The following UGT1A9 variants were observed in gnomAD, a reference collection of about 807,000 sequenced individuals.
UGT1A9 encodes the protein UDP glucuronosyltransferase family 1 member A9.
Under a neutral mutation model 45.0 loss-of-function variants are expected in UGT1A9, and 35 were observed. That is an observed-to-expected ratio of 0.78 (90% CI 0.59 to 1.03). UGT1A9 has a LOEUF of 1.03. Among genes scored for constraint, UGT1A9 ranks in the 50% least tolerant of loss-of-function variants. The probability of loss-of-function intolerance (pLI) is 0.00; values close to 1 mark genes in which losing one functional copy is unlikely to be tolerated. For synonymous variants in UGT1A9, 278 were observed against 250.6 expected, an observed-to-expected ratio of 1.11 and a Z score of -1.03; for missense variants, 687 against 666.6, an observed-to-expected ratio of 1.03 and a Z score of -0.34.
intron 1 of UGT1A9, among the ~76,000 whole-genome samples, chr2:233,689,515 G>A (rs1197938802): frequency 6.6e-6 from 1 of 152,250 alleles, no homozygotes; most frequent in East Asian, 1.9e-4. Flanking sequence ...TTACACATTG[G>A]TTTGGTCATG....
chr2:233,724,358 C>T (rs2077236787), intron 1 of UGT1A9, among the ~76,000 whole-genome samples: 1 of 147,908 alleles, frequency 6.8e-6, no homozygotes, highest in African/African-American at 2.5e-5. Context: ...CACCTCCCTC[C>T]CGGACGGGGT....
intron 1 of UGT1A9, among the ~76,000 whole-genome samples, chr2:233,710,386 G>A (rs1450809479): frequency 2.0e-5 from 3 of 152,194 alleles, no homozygotes; most frequent in Non-Finnish European, 2.9e-5. Flanking sequence ...TAACAGCAAC[G>A]CATTAGAGTT....
intron 1 of UGT1A9, among the ~76,000 whole-genome samples, chr2:233,695,130 C>CTT (rs71398796): frequency 2.9e-5 from 4 of 138,836 alleles, no homozygotes; most frequent in Admixed American, 7.1e-5. Context: ...CTTTTCTTTT[C>CTT]TTTTTTTTTT....
At chr2:233,690,606 C>T (rs1439647721) in intron 1 of UGT1A9, 1 of 1,289,342 alleles carries the variant, frequency 7.8e-7, no homozygotes, top group Non-Finnish European at 1.0e-6. Flanking sequence ...AAAAATCGGC[C>T]TTTGCCTGGA....
chr2:233,768,242 TATCACCC>T lies in UGT1A9; in HGVS notation c.1101_1107del (p.Ile367MetfsTer18), dbSNP rs1699593680. On this transcript the variant is annotated frameshift_variant, in exon 4 of 5. Transcript: ENST00000354728. LOFTEE classifies it high-confidence loss of function. ...CAGGTCACCCGATGACCCGTGCCTT[TATCACCC>T]ATGCTGGTTCCCATGGTGTTTATGA... 2 of 1,614,112 alleles carry T rather than the reference TATCACCC, an allele frequency of 1.2e-6. No individual in the cohort carries two copies. The highest frequency in any genetic ancestry group is 1.7e-5 in the Admixed American group (1 of 60,004).
chr2:233,719,378 G>C, intron 1 of UGT1A9: 1 of 1,613,952 alleles, frequency 6.2e-7, no homozygotes, highest in Non-Finnish European at 8.5e-7. Flanking sequence ...AGGGCACACA[G>C]TGTCCAAATC....
At chr2:233,767,532 T>C (rs183725309) in intron 2 of UGT1A9, among the ~76,000 whole-genome samples, 16 of 152,382 alleles carry the variant, frequency 1.0e-4, no homozygotes, top group Non-Finnish European at 2.1e-4. Context: ...ATGTCTTACA[T>C]TTCTGCTCTT....
At chr2:233,755,437 G>A (rs558010225) in intron 1 of UGT1A9, 20 of 316,674 alleles carry the variant, frequency 6.3e-5, no homozygotes, top group East Asian at 5.9e-4. Flanking sequence ...ATCCCAAGAT[G>A]CAGTGCTCCT....
rs1017104769 is a variant in UGT1A9, at chr2:233,772,683, C to T, written c.*124C>T. On this transcript the variant is annotated 3_prime_UTR_variant, in exon 5 of 5. Transcript: ENST00000354728. The stretch of plus-strand genomic sequence containing the variant: ...GAAATACTTTGCATAAATTAATCAG[C>T]CCCAGAGTGCTTTAAAAAATTCTCT... 4 of 1,495,776 alleles carry T rather than the reference C, an allele frequency of 2.7e-6. No individual in the cohort carries two copies. Among genetic ancestry groups the T allele is most frequent in the Admixed American group, 4.9e-5 (2 of 41,024 alleles). 92.7% of individuals were successfully genotyped at this position (1,495,776 alleles called of 1,614,324 possible).
At chr2:233,753,194 GC>G (rs1375850984) in intron 1 of UGT1A9, 1 of 152,080 alleles carries the variant, frequency 6.6e-6, no homozygotes, top group Admixed American at 6.5e-5. Flanking sequence ...TTTTTCAAAA[GC>G]CCTGACAGTC....
intron 1 of UGT1A9, chr2:233,713,576 T>C: frequency 6.2e-7 from 1 of 1,613,998 alleles, no homozygotes; most frequent in African/African-American, 1.3e-5. Context: ...CCTATATTCC[T>C]AGATTACTAA....
intron 1 of UGT1A9, chr2:233,690,012 T>C (rs2074971337): frequency 2.3e-6 from 1 of 442,466 alleles, no homozygotes; most frequent in Non-Finnish European, 4.5e-6. Context: ...CTCACCATTT[T>C]GGACCTTCCT....
chr2:233,700,896 C>T (rs1024170878), intron 1 of UGT1A9, among the ~76,000 whole-genome samples: 2 of 151,952 alleles, frequency 1.3e-5, no homozygotes, highest in African/African-American at 4.8e-5. Flanking sequence ...CAACAGTCCC[C>T]GGTGTGTGAC....
intron 1 of UGT1A9, among the ~76,000 whole-genome samples, chr2:233,764,842 T>G (rs925133951): frequency 2.6e-5 from 4 of 151,734 alleles, no homozygotes; most frequent in African/African-American, 7.3e-5. Flanking sequence ...GGAGGATGAC[T>G]CTGTCCTCCC....
rs116347049 is a variant in UGT1A9 at position 233,716,695 on chromosome 2, T to C, written c.855+43906T>C. The stretch of plus-strand genomic sequence containing the variant: ...ACCCCAAGATATAGTTTCTACATTC[T>C]CTTAAAAACACTAAAGAGTTCCAGT... On this transcript the variant is annotated intron_variant, in intron 1 of 4. Transcript: ENST00000354728. 4.9e-3 allele frequency among the ~76,000 whole-genome samples: 749 copies of C among 152,322 alleles called. 4 individuals carry two copies. The highest frequency in any genetic ancestry group is 0.017 in the African/African-American group (721 of 41,564).
intron 1 of UGT1A9, among the ~76,000 whole-genome samples, chr2:233,709,199 A>G (rs1321216422): frequency 1.3e-5 from 2 of 152,130 alleles, no homozygotes; most frequent in Non-Finnish European, 2.9e-5. Context: ...GTGGATCCTC[A>G]CCAGAAGTAC....
chr2:233,704,493 GT>G (rs1301421606), intron 1 of UGT1A9, among the ~76,000 whole-genome samples: 1 of 151,394 alleles, frequency 6.6e-6, no homozygotes, highest in East Asian at 1.9e-4. Context: ...TGATATTATT[GT>G]TATACGTGGT....
intron 1 of UGT1A9, among the ~76,000 whole-genome samples, chr2:233,750,335 T>C (rs1295665958): frequency 6.6e-6 from 1 of 151,930 alleles, no homozygotes; most frequent in Non-Finnish European, 1.5e-5. Context: ...TTCAGAGAGA[T>C]GATCTGAAAT....
At chr2:233,758,400 T>C (rs1696865651) in intron 1 of UGT1A9, among the ~76,000 whole-genome samples, 1 of 152,196 alleles carries the variant, frequency 6.6e-6, no homozygotes, top group African/African-American at 2.4e-5. Context: ...TTATAGCCCC[T>C]TTACTGTCTA....
Sources: allele counts gnomAD v4.1 joint callset (sites outside exome capture counted in the v4.1 genomes callset), GRCh38; gene constraint gnomAD v4.1.1; transcripts MANE v1.5; gene names NCBI Gene and HGNC (gene_info 2026-07-23, HGNC 2026-07-21).